CNTN4: variants seen among roughly 807,000 people sequenced by gnomAD.
The protein encoded by CNTN4 is contactin 4.
In CNTN4, 77 loss-of-function variants were observed where a neutral mutation model predicts 122.5. That is an observed-to-expected ratio of 0.63 (90% CI 0.52 to 0.76). CNTN4 has a LOEUF of 0.76. CNTN4 is among the 30% of genes least tolerant of loss of function. The pLI is 0.00. For synonymous variants in CNTN4, 512 were observed against 447.0 expected (o/e 1.15, Z -1.83); for missense variants, 1,256 against 1,259.1 (o/e 1.00, Z 0.04).
At chr3:2,819,946 G>C (rs1265701233) in intron 7 of CNTN4, among the ~76,000 whole-genome samples, 2 of 152,166 alleles carry the variant, frequency 1.3e-5, no homozygotes, top group Non-Finnish European at 2.9e-5. Context: ...TCTGGGAACT[G>C]TCTGTGAACT....
rs2047803532 is a variant in CNTN4, at chr3:2,425,762, C to CT, written c.-89+86530dup. ...TTTCATTGAGCAGTGCTTTGTAGTT[C>CT]TCCTTGAAGAGCTCCTTCACAACCC... On this transcript the variant is annotated intron_variant, in intron 3 of 24. Coordinates refer to ENST00000418658, the MANE Select transcript of CNTN4 (RefSeq NM_175607.3). Among the ~76,000 whole-genome samples, 5 of 152,256 alleles carry CT rather than the reference C, an allele frequency of 3.3e-5. No individual in the cohort carries two copies. In the South Asian group the frequency reaches 1.0e-3, roughly 32 times the overall value.
intron 2 of CNTN4, among the ~76,000 whole-genome samples, chr3:2,239,913 A>G (rs1425313858): frequency 2.0e-5 from 3 of 152,214 alleles, no homozygotes; most frequent in Non-Finnish European, 2.9e-5. Flanking sequence ...CCATCCTAAA[A>G]TCATTCATTT....
At chr3:2,395,306 A>G (rs1192302967) in intron 3 of CNTN4, among the ~76,000 whole-genome samples, 2 of 152,184 alleles carry the variant, frequency 1.3e-5, no homozygotes, top group South Asian at 2.1e-4. Flanking sequence ...ATAGGGGAAC[A>G]TAATCTATAG....
chr3:2,836,089 C>G (rs2150432765), intron 7 of CNTN4, among the ~76,000 whole-genome samples: 1 of 152,070 alleles, frequency 6.6e-6, no homozygotes, highest in South Asian at 2.1e-4. Flanking sequence ...CTACAGACAA[C>G]TCTATGATCA....
chr3:2,738,623 T>G (rs1292102464), intron 5 of CNTN4, among the ~76,000 whole-genome samples: 2 of 152,174 alleles, frequency 1.3e-5, no homozygotes, highest in East Asian at 3.8e-4. Flanking sequence ...GAATACTGTC[T>G]TGTGAAGATA....
intron 3 of CNTN4, among the ~76,000 whole-genome samples, chr3:2,536,339 T>C (rs1362193476): frequency 1.3e-5 from 2 of 152,134 alleles, no homozygotes; most frequent in Non-Finnish European, 2.9e-5. Context: ...TGACTGAAAT[T>C]TATAGAACTG....
At chr3:2,110,782 A>G (rs1049067416) in intron 2 of CNTN4, 1 of 151,882 alleles carries the variant, frequency 6.6e-6, no homozygotes, top group African/African-American at 2.4e-5. Flanking sequence ...TTTCACATCC[A>G]TTTTCACTGT....
At chr3:2,567,594 T>C (rs963490348) in intron 3 of CNTN4, among the ~76,000 whole-genome samples, 11 of 152,154 alleles carry the variant, frequency 7.2e-5, no homozygotes, top group Admixed American at 5.2e-4. Context: ...TACCATAAGT[T>C]TGGCAGATAG....
In CNTN4 at chr3:2,228,549, C is replaced by G. The variant is rs6790548; in HGVS notation, c.-144-110629C>G. ...TAGCAAATAAACAAAACATCATCAT[C>G]AACAGTAATGATAAGACTGTGATAA... On this transcript the variant is annotated intron_variant, in intron 2 of 24. Coordinates refer to ENST00000418658, the MANE Select transcript of CNTN4 (RefSeq NM_175607.3). Among the ~76,000 whole-genome samples, 646 of 152,054 alleles carry G rather than the reference C, an allele frequency of 4.2e-3. 3 individuals carry two copies. Among genetic ancestry groups the G allele is most frequent in the African/African-American group, 0.015 (623 of 41,510 alleles).
chr3:2,273,730 T>C (rs2149835035), intron 2 of CNTN4, among the ~76,000 whole-genome samples: 1 of 152,316 alleles, frequency 6.6e-6, no homozygotes, highest in East Asian at 1.9e-4. Context: ...CTAATATATG[T>C]TGAACCAAAA....
chr3:2,172,928 G>C (rs560618556), intron 2 of CNTN4, among the ~76,000 whole-genome samples: 1 of 152,274 alleles, frequency 6.6e-6, no homozygotes. Flanking sequence ...AGAGAAGAAA[G>C]GCAAAGATGA....
rs374603835 is a variant in CNTN4, at chr3:2,720,454, C to T, written c.56-15761C>T. 3.0e-4 allele frequency among the ~76,000 whole-genome samples: 45 copies of T among 152,274 alleles called. No individual in the cohort carries two copies. The South Asian group carries it at 9.1e-3, about 31-fold the overall frequency. ...TTAAAGGTAGGTTTTCTGGGACTTA[C>T]ACCTGAATTTTTATGTACCCAACTG... On this transcript the variant is annotated intron_variant, in intron 4 of 24. Transcript: ENST00000418658.
At chr3:2,138,251 A>G (rs1296488313) in intron 2 of CNTN4, among the ~76,000 whole-genome samples, 1 of 151,874 alleles carries the variant, frequency 6.6e-6, no homozygotes, top group Non-Finnish European at 1.5e-5. Flanking sequence ...TTTTTTTACT[A>G]GGGACGGGGT....
intron 10 of CNTN4, among the ~76,000 whole-genome samples, chr3:2,893,399 C>T (rs1391931): frequency 0.63 from 96,039 of 152,074 alleles, 30,856 homozygotes; most frequent in East Asian, 0.73. Context: ...TAACCAAAGA[C>T]TGAACACAGT....
intron 4 of CNTN4, among the ~76,000 whole-genome samples, chr3:2,717,285 G>A (rs559453462): frequency 1.3e-5 from 2 of 152,056 alleles, no homozygotes; most frequent in Admixed American, 1.3e-4. Context: ...AAATAATATG[G>A]TTTTTTATGA....
intron 4 of CNTN4, among the ~76,000 whole-genome samples, chr3:2,614,312 T>C (rs2081620357): frequency 6.6e-6 from 1 of 152,066 alleles, no homozygotes; most frequent in South Asian, 2.1e-4. Flanking sequence ...GTCAGAGAGG[T>C]ATGCGAAGAC....
At chr3:2,923,853 A>C (rs1420746415) in intron 12 of CNTN4, among the ~76,000 whole-genome samples, 1 of 152,206 alleles carries the variant, frequency 6.6e-6, no homozygotes, top group Non-Finnish European at 1.5e-5. Flanking sequence ...ATAAATATTG[A>C]GTAGGTGTCC....
At chr3:2,866,652 C>G (rs2093726983) in intron 7 of CNTN4, 100 bp from the exon 8 acceptor site, 5 of 1,269,234 alleles carry the variant, frequency 3.9e-6, no homozygotes, top group Non-Finnish European at 5.7e-6. Flanking sequence ...AGTCATTGGA[C>G]AACAATGTAT....
intron 7 of CNTN4, among the ~76,000 whole-genome samples, chr3:2,852,511 CAT>C: frequency 6.6e-6 from 1 of 152,200 alleles, no homozygotes; most frequent in Admixed American, 6.5e-5. Context: ...TAATAATAAA[CAT>C]TAACATTTAT....
Sources: gnomAD v4.1 joint callset for allele counts (sites outside exome capture counted in the v4.1 genomes callset) on GRCh38, gnomAD v4.1.1 for gene constraint, MANE v1.5 for transcripts, NCBI Gene and HGNC (gene_info 2026-07-23, HGNC 2026-07-21) for gene names.